CCL4L2: variants seen among roughly 807,000 people sequenced by gnomAD.
CCL4L2 encodes C-C motif chemokine ligand 4 like 2, also known as C-C motif chemokine 4-like.
A neutral mutation model predicts 5.9 loss-of-function variants in CCL4L2; 3 were observed. That is an observed-to-expected ratio of 0.51 (90% CI 0.23 to 1.32). The LOEUF (loss-of-function observed/expected upper bound fraction) is 1.32, where lower values mean the gene tolerates loss of function less well. Among genes scored for constraint, CCL4L2 ranks in the 40% most tolerant of loss-of-function variants. The pLI is 0.18. For missense variants in CCL4L2, 74 were observed against 121.2 expected (o/e 0.61, Z 1.83); for synonymous variants, 36 against 47.6 (o/e 0.76, Z 1.00).
In CCL4L2 at chr17:36,212,562, TG is replaced by T; in HGVS notation, c.*140del. ...CAGGAGTACGTGTATGACCTGGAAC[TG>T]AACTGAGCTGCTCAGAGACAGGAAG... On this transcript the variant is annotated 3_prime_UTR_variant, in exon 3 of 3. Transcript: ENST00000617405. 6.3e-7 allele frequency: 1 copy of T among 1,581,524 alleles called. No homozygotes were observed. The highest frequency in any genetic ancestry group is 8.6e-7 in the Non-Finnish European group (1 of 1,156,554).
rs2068812681 is a variant in CCL4L2, at chr17:36,212,681, C to G, written c.*258C>G. The G allele has an allele frequency of 4.1e-6, 5 of 1,226,118 alleles. No individual in the cohort carries two copies. The highest frequency in any genetic ancestry group is 4.6e-5 in the East Asian group (2 of 43,818). 76.0% of individuals were successfully genotyped at this position (1,226,118 alleles called of 1,614,324 possible). A position where few individuals can be genotyped will look rare whatever the true frequency, so the allele number is the denominator to read the frequency against. ...CCTCTCCGCAGTTCCTGTCTCTTCT[C>G]TTAATGTAATCTCTTTTATGTGCTG... On this transcript the variant is annotated 3_prime_UTR_variant, in exon 3 of 3. Transcript: ENST00000617405.
At chr17:36,211,316 A>G (rs2068771844) in intron 1 of CCL4L2, 99 bp downstream of exon 1, 3 of 1,389,334 alleles carry the variant, frequency 2.2e-6, no homozygotes, top group Non-Finnish European at 3.1e-6. Flanking sequence ...GGATGGGACA[A>G]AAGGCAGCTA....
chr17:36,211,094 TGA>T lies in CCL4L2; in HGVS notation c.-46_-45del. 6.4e-7 allele frequency: 1 copy of T among 1,564,550 alleles called. No homozygotes were observed. Among genetic ancestry groups the T allele is most frequent in the Non-Finnish European group, 8.8e-7 (1 of 1,141,440 alleles). ...GGACACAGCTAGGTTCTGAAGCTTC[TGA>T]GTTCTGCAGCCTCACCTCTGAGAAA... On this transcript the variant is annotated 5_prime_UTR_variant, in exon 1 of 3. Coordinates refer to ENST00000617405, the MANE Select transcript of CCL4L2 (RefSeq NM_001291475.2).
At chr17:36,211,568 C>T in intron 1 of CCL4L2, 1 of 702,696 alleles carries the variant, frequency 1.4e-6, no homozygotes, top group East Asian at 2.7e-5. Context: ...GAATCCAGTT[C>T]CAATCTTCTA....
chr17:36,211,491 C>A (rs2068774553), intron 1 of CCL4L2: 1 of 687,482 alleles, frequency 1.5e-6, no homozygotes, highest in African/African-American at 1.7e-5. Context: ...CAAGCAAGCC[C>A]CTGTCCCTCT....
Position 36,211,963 on chromosome 17 carries a change from G to C in CCL4L2, c.191+73G>C, listed in dbSNP as rs2068788169. The C allele has an allele frequency of 8.0e-6, 12 of 1,494,768 alleles. No homozygotes were observed. In the South Asian group the frequency reaches 1.4e-4, roughly 17 times the overall value. The allele number at this position is 1,494,768 out of a possible 1,614,324, so 92.6% of individuals were successfully genotyped here. A position where few individuals can be genotyped will look rare whatever the true frequency, so the allele number is the denominator to read the frequency against. ...ATTTTTAAAGGGGGCCTGTTTTGGG[G>C]AGGGGGTGATGAGCGTTGGGGAGGC... On this transcript the variant is annotated intron_variant, in intron 2 of 2. Coordinates refer to ENST00000617405, the MANE Select transcript of CCL4L2 (RefSeq NM_001291475.2).
At chr17:36,212,160 G>C in intron 2 of CCL4L2, 2 of 697,672 alleles carry the variant, frequency 2.9e-6, no homozygotes, top group South Asian at 1.5e-5. Flanking sequence ...GTGAGATATG[G>C]ACCAATTCCT....
Position 36,211,209 on chromosome 17 carries a change from C to G in CCL4L2, c.68C>G (p.Ser23Ter). The change falls in exon 1 of 3, where the codon TCA becomes TGA. Residue 23 changes from serine to a stop codon, truncating the protein, a stop_gained. Transcript: ENST00000617405. LOFTEE classifies it high-confidence loss of function. ...GCTGCCTTCTGCTCTCTAGCACTCTCAGCACCAAGTAAGTCTACTTTTGCA... is the reference window on the plus strand; with the variant it reads ...GCTGCCTTCTGCTCTCTAGCACTCTGAGCACCAAGTAAGTCTACTTTTGCA... 3 of 1,581,510 alleles carry G rather than the reference C, an allele frequency of 1.9e-6. No individual in the cohort carries two copies. Among genetic ancestry groups the G allele is most frequent in the Non-Finnish European group, 1.7e-6 (2 of 1,156,610 alleles).
At position 36,212,142 on chromosome 17, in the gene CCL4L2, C is replaced by T. The variant is rs781218470; in HGVS notation, c.192-161C>T. 1,630 of 696,294 alleles carry T rather than the reference C, an allele frequency of 2.3e-3. 16 individuals are homozygous for T. Among genetic ancestry groups the T allele is most frequent in the African/African-American group, 0.023 (1,302 of 57,518 alleles). The allele number at this position is 696,294 out of a possible 1,614,324, so 43.1% of individuals were successfully genotyped here. A position where few individuals can be genotyped will look rare whatever the true frequency, so the allele number is the denominator to read the frequency against. On this transcript the variant is annotated intron_variant, in intron 2 of 2. Transcript: ENST00000617405. ...GGACAGGGAAGCAGGGGAAGGCAGACAGGTCCCGTGAGATATGGACCAATT... is the reference window on the plus strand; with the variant it reads ...GGACAGGGAAGCAGGGGAAGGCAGATAGGTCCCGTGAGATATGGACCAATT...
rs772725688 is a variant in CCL4L2 at position 36,212,371 on chromosome 17, C to T, written c.260C>T (p.Pro87Leu). Residue 87 changes from proline (P) to leucine (L), a missense_variant, in exon 3 of 3, where the codon CCC (proline) becomes CTC (leucine). Physicochemically the swap from Pro to Leu is moderately conservative, Grantham distance 98 (BLOSUM62 -3). Coordinates refer to ENST00000617405, the MANE Select transcript of CCL4L2 (RefSeq NM_001291475.2). ...AAGGATCCCATCCACCAGAGCTGCC[C>T]CACATGGACCATGGTCAGGCAGAGG... 8.0e-5 allele frequency: 107 copies of T among 1,336,028 alleles called. 10 individuals are homozygous for T. In the Middle Eastern group the frequency reaches 1.7e-3, roughly 22 times the overall value. 82.8% of individuals were successfully genotyped at this position (1,336,028 alleles called of 1,614,324 possible).
At position 36,212,354 on chromosome 17, in the gene CCL4L2, C is replaced by T; in HGVS notation, c.243C>T (p.Pro81=). Residue 81 remains proline (P), a synonymous_variant, in exon 3 of 3, where the codon CCC becomes CCT. Coordinates refer to ENST00000617405, the MANE Select transcript of CCL4L2 (RefSeq NM_001291475.2). ...TCCAGTGCTGCTCCGGGAAGGATCC[C>T]ATCCACCAGAGCTGCCCCACATGGA... The T allele has an allele frequency of 1.7e-6, 2 of 1,168,850 alleles. No homozygotes were observed. The highest frequency in any genetic ancestry group is 2.6e-6 in the Non-Finnish European group (2 of 776,192). 72.4% of individuals were successfully genotyped at this position (1,168,850 alleles called of 1,614,324 possible).
chr17:36,212,304 G>C lies in CCL4L2; in HGVS notation c.193G>C (p.Glu65Gln). The change falls in exon 3 of 3, where the codon GAG becomes CAG. Residue 65 changes from glutamate (E) to glutamine (Q), a missense_variant and splice_region_variant. By Grantham distance (29) the Glu-to-Gln change is conservative. Coordinates refer to ENST00000617405, the MANE Select transcript of CCL4L2 (RefSeq NM_001291475.2). ...CCTGGGGCCCACAGCTAAATCCAGT[G>C]AGTGGAAGTTACAGGGAGTCTGCTT... The C allele has an allele frequency of 1.1e-6, 1 of 895,136 alleles. No individual in the cohort carries two copies. The highest frequency in any genetic ancestry group is 1.9e-6 in the Non-Finnish European group (1 of 538,568). The allele number at this position is 895,136 out of a possible 1,614,324, so 55.4% of individuals were successfully genotyped here. A position where few individuals can be genotyped will look rare whatever the true frequency, so the allele number is the denominator to read the frequency against.
chr17:36,211,282 T>C (rs2068771147), intron 1 of CCL4L2, 65 bp downstream of exon 1: 4 of 1,529,902 alleles, frequency 2.6e-6, no homozygotes, highest in Non-Finnish European at 3.6e-6. Flanking sequence ...TTTCTAGTCA[T>C]GGCTGGCAAA....
chr17:36,211,952 C>A (rs1248470263), intron 2 of CCL4L2, 62 bp downstream of exon 2: 2 of 1,522,780 alleles, frequency 1.3e-6, no homozygotes, highest in Non-Finnish European at 9.1e-7. Context: ...TTAAAGGGGG[C>A]CTGTTTTGGG....
intron 2 of CCL4L2, 195 bp downstream of exon 2, chr17:36,212,085 G>GA (rs1378483093): frequency 3.9e-6 from 3 of 777,386 alleles, no homozygotes; most frequent in Non-Finnish European, 4.5e-6. Context: ...AGCCGAGACA[G>GA]AAGGGGGTTC....
chr17:36,212,180 C>G, intron 2 of CCL4L2: 1 of 701,532 alleles, frequency 1.4e-6, no homozygotes, highest in Non-Finnish European at 2.6e-6. Context: ...TTAAACCATG[C>G]TAGAAAAACA....
chr17:36,212,508 T>A lies in CCL4L2; in HGVS notation c.*85T>A, dbSNP rs2068806454. The stretch of plus-strand genomic sequence containing the variant: ...TTCCAAACCAAAAGAGGCAAGCAAG[T>A]CTGCGCTGACCCCAGTGAGTCCTGG... On this transcript the variant is annotated 3_prime_UTR_variant, in exon 3 of 3. Coordinates refer to ENST00000617405, the MANE Select transcript of CCL4L2 (RefSeq NM_001291475.2). The A allele has an allele frequency of 6.3e-7, 1 of 1,581,380 alleles. No homozygotes were observed. The highest frequency in any genetic ancestry group is 1.3e-5 in the African/African-American group (1 of 74,856).
chr17:36,211,310 G>A, intron 1 of CCL4L2, 93 bp downstream of exon 1: 2 of 1,418,286 alleles, frequency 1.4e-6, no homozygotes, highest in Non-Finnish European at 2.0e-6. Context: ...ATCTGGGGAT[G>A]GGACAAAAGG....
Position 36,212,706 on chromosome 17 carries a change from G to T in CCL4L2, c.*283G>T, listed in dbSNP as rs2068813505. On this transcript the variant is annotated 3_prime_UTR_variant, in exon 3 of 3. Coordinates refer to ENST00000617405, the MANE Select transcript of CCL4L2 (RefSeq NM_001291475.2). ...CTTAATGTAATCTCTTTTATGTGCT[G>T]TATTATTGTATTAGGTGTTATTTCC... 4 of 1,039,478 alleles carry T rather than the reference G, an allele frequency of 3.8e-6. No individual in the cohort carries two copies. The highest frequency in any genetic ancestry group is 2.9e-6 in the Non-Finnish European group (2 of 678,072). The allele number at this position is 1,039,478 out of a possible 1,614,324, so 64.4% of individuals were successfully genotyped here. A position where few individuals can be genotyped will look rare whatever the true frequency, so the allele number is the denominator to read the frequency against.
Sources: gnomAD v4.1 joint callset for allele counts on GRCh38, gnomAD v4.1.1 for gene constraint, MANE v1.5 for transcripts, NCBI Gene and HGNC (gene_info 2026-07-23, HGNC 2026-07-21) for gene names.